Variants in PDE2A observed in about 807,000 individuals in gnomAD.
The protein encoded by PDE2A is phosphodiesterase 2A, also known as cGMP-dependent 3',5'-cyclic phosphodiesterase.
Under a neutral mutation model 133.6 loss-of-function variants are expected in PDE2A, and 53 were observed. The ratio of observed to expected loss-of-function variants is 0.40; its 90% confidence interval spans 0.32 to 0.50. PDE2A has a LOEUF of 0.50. PDE2A is among the 20% of genes least tolerant of loss of function. The pLI, the probability that PDE2A is intolerant of heterozygous loss-of-function variation, is 0.73. For synonymous variants in PDE2A, 491 were observed against 490.2 expected (o/e 1.00, Z -0.02); for missense variants, 796 against 1,232.4 (o/e 0.65, Z 5.30).
At chr11:72,624,565 C>T (rs1347501166) in intron 2 of PDE2A, among the ~76,000 whole-genome samples, 2 of 152,198 alleles carry the variant, frequency 1.3e-5, no homozygotes, top group Non-Finnish European at 2.9e-5. Flanking sequence ...CAGTGTCAGA[C>T]ACTCGAGCCA....
chr11:72,579,721 C>A, intron 25 of PDE2A, 113 bp from the exon 26 acceptor site: 1 of 724,350 alleles, frequency 1.4e-6, no homozygotes, highest in East Asian at 2.5e-5. Flanking sequence ...GTCAGCAGAG[C>A]AGTCAGAAAG....
intron 1 of PDE2A, among the ~76,000 whole-genome samples, chr11:72,660,162 A>G (rs909897581): frequency 2.0e-5 from 3 of 152,376 alleles, no homozygotes; most frequent in East Asian, 1.9e-4. Flanking sequence ...ATGACCATAT[A>G]TATTTATCAA....
chr11:72,590,841 CAAGAT>C lies in PDE2A; in HGVS notation c.550-266_550-262del, dbSNP rs1172270770. 5 of 412,494 alleles carry C rather than the reference CAAGAT, an allele frequency of 1.2e-5. No individual in the cohort carries two copies. Among genetic ancestry groups the C allele is most frequent in the Non-Finnish European group, 2.1e-5 (5 of 235,910 alleles). 25.6% of individuals were successfully genotyped at this position (412,494 alleles called of 1,614,324 possible). On this transcript the variant is annotated intron_variant, in intron 7 of 30. Coordinates refer to ENST00000334456, the MANE Select transcript of PDE2A (RefSeq NM_002599.5). This position sits in a 1 kb window ranked among gnomAD's most constrained non-coding sequence, Gnocchi z 4.8. ...CCCTAGCCCCTAGATTCTTCCAAGA[CAAGAT>C]GTCAGATTTCTGTCTCCAGCCCCCT...
chr11:72,640,981 C>A (rs373764545), intron 2 of PDE2A, among the ~76,000 whole-genome samples: 2 of 152,266 alleles, frequency 1.3e-5, no homozygotes, highest in Admixed American at 6.5e-5. Context: ...CATTCATACA[C>A]GGCACAACAC....
At chr11:72,633,639 G>T (rs1273836859) in intron 2 of PDE2A, among the ~76,000 whole-genome samples, 1 of 152,126 alleles carries the variant, frequency 6.6e-6, no homozygotes, top group Non-Finnish European at 1.5e-5. Flanking sequence ...GTCTGTGTCT[G>T]GGTGCATGGG....
intron 2 of PDE2A, among the ~76,000 whole-genome samples, chr11:72,620,495 C>A (rs979479618): frequency 6.6e-6 from 1 of 152,130 alleles, no homozygotes; most frequent in African/African-American, 2.4e-5. Context: ...CCCAGGAAGT[C>A]CAGACTCCTG....
At chr11:72,594,420 G>A (rs373861420) in intron 6 of PDE2A, among the ~76,000 whole-genome samples, 4 of 152,312 alleles carry the variant, frequency 2.6e-5, no homozygotes, top group East Asian at 3.9e-4. Context: ...GTGAGCCAGG[G>A]TGCATCTGTC....
At position 72,590,125 on chromosome 11, in the gene PDE2A, C is replaced by T; in HGVS notation, c.756+67G>A. 1 of 1,454,988 alleles carries T rather than the reference C, an allele frequency of 6.9e-7. No homozygotes were observed. Among genetic ancestry groups the T allele is most frequent in the Non-Finnish European group, 9.4e-7 (1 of 1,063,706 alleles). The allele number at this position is 1,454,988 out of a possible 1,614,324, so 90.1% of individuals were successfully genotyped here. On this transcript the variant is annotated intron_variant, in intron 9 of 30. Coordinates refer to ENST00000334456, the MANE Select transcript of PDE2A (RefSeq NM_002599.5). This position sits in a 1 kb window ranked among gnomAD's most constrained non-coding sequence, Gnocchi z 4.8. ...GTAATTGGAACTGAGATGGAGGGCT[C>T]AAGGGGAAGTTGGTCCCCGGAGGGA...
intron 6 of PDE2A, among the ~76,000 whole-genome samples, chr11:72,592,421 C>G (rs1856292621): frequency 6.6e-6 from 1 of 152,214 alleles, no homozygotes; most frequent in South Asian, 2.1e-4. Flanking sequence ...TCTCGGGAAG[C>G]TCACAGTCTG....
chr11:72,620,605 G>A (rs1171725871), intron 2 of PDE2A, among the ~76,000 whole-genome samples: 2 of 152,288 alleles, frequency 1.3e-5, no homozygotes, highest in South Asian at 2.1e-4. Flanking sequence ...CCAAAAGACA[G>A]GCACTTTGAC....
chr11:72,589,053 G>T, intron 12 of PDE2A, 122 bp downstream of exon 12: 1 of 1,219,834 alleles, frequency 8.2e-7, no homozygotes, highest in Non-Finnish European at 1.2e-6. Context: ...AGATGGGACA[G>T]TAGAAAGTCC....
chr11:72,669,564 G>A (rs548697997), intron 1 of PDE2A, among the ~76,000 whole-genome samples: 12 of 152,264 alleles, frequency 7.9e-5, no homozygotes, highest in African/African-American at 1.7e-4. Context: ...CTGACAGGGA[G>A]CCCACGGCCA....
chr11:72,623,838 A>G (rs1204414957), intron 2 of PDE2A, among the ~76,000 whole-genome samples: 1 of 151,972 alleles, frequency 6.6e-6, no homozygotes, highest in Non-Finnish European at 1.5e-5. Context: ...CTGCCATTCC[A>G]TTAACACAGG....
At chr11:72,662,975 C>T (rs754771808) in intron 1 of PDE2A, among the ~76,000 whole-genome samples, 2 of 152,158 alleles carry the variant, frequency 1.3e-5, no homozygotes, top group Non-Finnish European at 1.5e-5. Context: ...TTTCTTGCTG[C>T]TCACACCTTT....
chr11:72,602,152 G>A (rs1384281106), intron 4 of PDE2A, among the ~76,000 whole-genome samples: 1 of 152,132 alleles, frequency 6.6e-6, no homozygotes, highest in Non-Finnish European at 1.5e-5. Flanking sequence ...GAGCAGGGAC[G>A]GTCTTTGCAA....
At chr11:72,630,348 G>A (rs1858312329) in intron 2 of PDE2A, among the ~76,000 whole-genome samples, 1 of 152,106 alleles carries the variant, frequency 6.6e-6, no homozygotes, top group South Asian at 2.1e-4. Context: ...GCGACAGACA[G>A]CAGAGCGCCC....
At chr11:72,637,549 C>T (rs936078891) in intron 2 of PDE2A, among the ~76,000 whole-genome samples, 4 of 152,198 alleles carry the variant, frequency 2.6e-5, no homozygotes, top group Admixed American at 6.5e-5. Context: ...TGGAGACTTC[C>T]TGGAGGTAGC....
At chr11:72,631,409 C>A (rs780923395) in intron 2 of PDE2A, among the ~76,000 whole-genome samples, 2 of 152,130 alleles carry the variant, frequency 1.3e-5, no homozygotes, top group Non-Finnish European at 2.9e-5. Flanking sequence ...GTGGAAATGA[C>A]CACCTCTTTA....
intron 1 of PDE2A, among the ~76,000 whole-genome samples, chr11:72,673,660 G>C (rs1254764478): frequency 6.6e-6 from 1 of 151,926 alleles, no homozygotes; most frequent in Non-Finnish European, 1.5e-5. Context: ...TCTTGCTCCA[G>C]GGCCACTCTT....
Sources: allele counts gnomAD v4.1 joint callset (sites outside exome capture counted in the v4.1 genomes callset), GRCh38; gene constraint gnomAD v4.1.1; non-coding constraint Gnocchi (gnomAD v3.1); transcripts MANE v1.5; gene names NCBI Gene and HGNC (gene_info 2026-07-23, HGNC 2026-07-21).